PACSIN2: variants seen among roughly 807,000 people sequenced by gnomAD.
PACSIN2 encodes the protein protein kinase C and casein kinase substrate in neurons protein 2.
PACSIN2 carries 25 observed loss-of-function variants against 63.8 expected under a neutral mutation model. That is an observed-to-expected ratio of 0.39 (90% CI 0.29 to 0.55). The LOEUF (loss-of-function observed/expected upper bound fraction) is 0.55. PACSIN2 is among the 20% of genes least tolerant of loss of function. The probability of loss-of-function intolerance (pLI) is 0.62; values close to 1 mark genes in which losing one functional copy is unlikely to be tolerated. For missense variants in PACSIN2, 518 were observed against 646.9 expected, an observed-to-expected ratio of 0.80 and a Z score of 2.16; for synonymous variants, 255 against 256.2, an observed-to-expected ratio of 1.00 and a Z score of 0.05.
At chr22:42,877,143 C>T (rs2146633441) in intron 8 of PACSIN2, 133 bp from the exon 9 acceptor site, 1 of 924,932 alleles carries the variant, frequency 1.1e-6, no homozygotes, top group Non-Finnish European at 1.7e-6. Context: ...GGTGTTTCAA[C>T]AGAAAGGTTA....
intron 1 of PACSIN2, among the ~76,000 whole-genome samples, chr22:42,915,120 G>A (rs1931727914): frequency 1.3e-5 from 2 of 152,092 alleles, no homozygotes; most frequent in African/African-American, 4.8e-5. Flanking sequence ...CTCCTGCCTT[G>A]GCCTCCCAAA....
chr22:42,966,368 A>G, intron 1 of PACSIN2, among the ~76,000 whole-genome samples: 1 of 152,122 alleles, frequency 6.6e-6, no homozygotes. Context: ...CATCTAAAAA[A>G]AAAAAAAAGC....
intron 1 of PACSIN2, among the ~76,000 whole-genome samples, chr22:42,971,149 T>G (rs1051949341): frequency 2.0e-4 from 30 of 152,242 alleles, no homozygotes; most frequent in Non-Finnish European, 3.7e-4. Context: ...AAAGCTGGAC[T>G]GTACTGCCGC....
intron 2 of PACSIN2, chr22:42,909,572 A>G: frequency 4.2e-6 from 2 of 471,166 alleles, no homozygotes; most frequent in Non-Finnish European, 8.8e-6. Context: ...CCAGCTGGAG[A>G]GTAATTTCAG....
chr22:42,909,445 G>A (rs570239441), intron 2 of PACSIN2: 1 of 452,042 alleles, frequency 2.2e-6, no homozygotes, highest in East Asian at 7.4e-5. Context: ...ATGTGCAGTT[G>A]GCAGTGTGCA....
Position 42,882,166 on chromosome 22 carries a change from G to C in PACSIN2, c.906+18C>G. ...CCTCTTCCAGGCTGATGAGCTCATGGGCACACCCTCCTCTTACCTCAAACT... is the reference window on the plus strand; with the variant it reads ...CCTCTTCCAGGCTGATGAGCTCATGCGCACACCCTCCTCTTACCTCAAACT... On this transcript the variant is annotated intron_variant, in intron 7 of 10. Transcript: ENST00000263246. 6.2e-7 allele frequency: 1 copy of C among 1,613,804 alleles called. No individual in the cohort carries two copies. The highest frequency in any genetic ancestry group is 1.1e-5 in the South Asian group (1 of 91,080).
At chr22:43,007,936 C>T (rs1449838796) in intron 1 of PACSIN2, among the ~76,000 whole-genome samples, 2 of 152,160 alleles carry the variant, frequency 1.3e-5, no homozygotes, top group Non-Finnish European at 2.9e-5. Flanking sequence ...CACTCTCAGT[C>T]CAGGGAGTGA....
At chr22:42,875,395 G>T (rs1167986815) in intron 10 of PACSIN2, among the ~76,000 whole-genome samples, 2 of 151,938 alleles carry the variant, frequency 1.3e-5, no homozygotes, top group Admixed American at 6.6e-5. Context: ...TTTGCGACAG[G>T]GTCTCGCTCT....
intron 1 of PACSIN2, among the ~76,000 whole-genome samples, chr22:43,009,873 T>TA: frequency 6.9e-6 from 1 of 145,356 alleles, no homozygotes; most frequent in African/African-American, 2.5e-5. Context: ...CTATTTTTTT[T>TA]TTTTTTTTTT....
intron 1 of PACSIN2, among the ~76,000 whole-genome samples, chr22:42,981,910 G>T (rs1339198849): frequency 1.2e-5 from 1 of 82,114 alleles, no homozygotes; most frequent in African/African-American, 4.7e-5. Flanking sequence ...CGCCCCGTCC[G>T]GGAGGTGAGG....
At chr22:42,953,233 T>C (rs1050206385) in intron 1 of PACSIN2, among the ~76,000 whole-genome samples, 3 of 151,722 alleles carry the variant, frequency 2.0e-5, no homozygotes, top group African/African-American at 7.3e-5. Context: ...TTTTGTTAAG[T>C]ACACAAAAAT....
chr22:42,907,156 C>T (rs551588496), intron 2 of PACSIN2, among the ~76,000 whole-genome samples: 22 of 152,230 alleles, frequency 1.4e-4, no homozygotes, highest in Non-Finnish European at 2.8e-4. Flanking sequence ...CTCAGCTTGG[C>T]TGGAGCCCAG....
intron 1 of PACSIN2, among the ~76,000 whole-genome samples, chr22:42,969,722 C>G (rs923109307): frequency 6.6e-6 from 1 of 151,864 alleles, no homozygotes; most frequent in African/African-American, 2.4e-5. Context: ...GATGATCGCT[C>G]GAGTCCACGT....
chr22:42,899,799 G>A (rs1165037924), intron 2 of PACSIN2, among the ~76,000 whole-genome samples: 1 of 152,246 alleles, frequency 6.6e-6, no homozygotes, highest in African/African-American at 2.4e-5. Context: ...GAGGAAGGAT[G>A]TGCGCGACTA....
chr22:42,905,871 G>A (rs922401327), intron 2 of PACSIN2, among the ~76,000 whole-genome samples: 4 of 152,208 alleles, frequency 2.6e-5, no homozygotes, highest in African/African-American at 9.6e-5. Context: ...TGGGAACCAG[G>A]CCAATTCTGC....
intron 1 of PACSIN2, among the ~76,000 whole-genome samples, chr22:42,976,979 C>A (rs796635002): frequency 6.6e-6 from 1 of 152,138 alleles, no homozygotes; most frequent in Admixed American, 6.5e-5. Flanking sequence ...CTAGAGTAAA[C>A]CTTGTTTGGT....
At chr22:42,911,407 T>TAAAA (rs75497964) in intron 2 of PACSIN2, among the ~76,000 whole-genome samples, 21 of 111,442 alleles carry the variant, frequency 1.9e-4, no homozygotes, top group African/African-American at 6.7e-4. Flanking sequence ...CCTCAACTGT[T>TAAAA]AAAAAAAAAA....
intron 2 of PACSIN2, among the ~76,000 whole-genome samples, chr22:42,898,933 G>A (rs1930480968): frequency 6.6e-6 from 1 of 152,282 alleles, no homozygotes; most frequent in Admixed American, 6.5e-5. Context: ...TGTCACAGGC[G>A]TGCTGGGGGG....
chr22:42,968,147 G>A (rs1029676864), intron 1 of PACSIN2, among the ~76,000 whole-genome samples: 4 of 152,160 alleles, frequency 2.6e-5, no homozygotes, highest in East Asian at 1.9e-4. Flanking sequence ...TCTGACGGCC[G>A]AGTGTGTCCT....
Sources: gnomAD v4.1 joint callset for allele counts (sites outside exome capture counted in the v4.1 genomes callset) on GRCh38, gnomAD v4.1.1 for gene constraint, MANE v1.5 for transcripts, NCBI Gene and HGNC (gene_info 2026-07-23, HGNC 2026-07-21) for gene names.